The following NAF1 variants were observed in gnomAD, a reference collection of about 807,000 sequenced individuals.
NAF1 encodes H/ACA ribonucleoprotein complex non-core subunit NAF1.
Under a neutral mutation model 40.6 loss-of-function variants are expected in NAF1, and 11 were observed. The ratio of observed to expected loss-of-function variants is 0.27; its 90% CI spans 0.17 to 0.45. NAF1 has a LOEUF of 0.45. NAF1 is among the 20% of genes least tolerant of loss of function. The probability of loss-of-function intolerance (pLI) is 1.00; values close to 1 mark genes in which losing one functional copy is unlikely to be tolerated. For synonymous variants in NAF1, 260 were observed against 228.5 expected, an observed-to-expected ratio of 1.14 and a Z score of -1.24; for missense variants, 607 against 611.1, an observed-to-expected ratio of 0.99 and a Z score of 0.07.
At chr4:163,150,185 A>G (rs1438315288) in intron 2 of NAF1, among the ~76,000 whole-genome samples, 1 of 152,174 alleles carries the variant, frequency 6.6e-6, no homozygotes, top group Non-Finnish European at 1.5e-5. Flanking sequence ...CCCATGTAAT[A>G]TAATAGTTAT....
chr4:163,166,873 G>C lies in NAF1; in HGVS notation c.-146C>G. ...CCGCGTTTCTCAGGTAACTACACGC[G>C]GAGGAGCCAAAAGACACGCCCCCGC... is the stretch of plus-strand genomic sequence containing the variant. On this transcript the variant is annotated 5_prime_UTR_variant, in exon 1 of 8. Coordinates refer to ENST00000274054, the MANE Select transcript of NAF1 (RefSeq NM_138386.3). 9.0e-7 allele frequency: 1 copy of C among 1,113,862 alleles called. No individual in the cohort carries two copies. The highest frequency in any genetic ancestry group is 2.7e-5 in the East Asian group (1 of 37,012). 69.0% of individuals were successfully genotyped at this position (1,113,862 alleles called of 1,614,324 possible).
At chr4:163,154,995 G>A (rs1334368525) in intron 2 of NAF1, among the ~76,000 whole-genome samples, 2 of 152,146 alleles carry the variant, frequency 1.3e-5, no homozygotes, top group East Asian at 3.8e-4. Context: ...ATTTTTGGCA[G>A]GTTCAGAGAG....
At chr4:163,126,912 T>G, downstream of NAF1, 1 of 1,487,096 alleles carries the variant, frequency 6.7e-7, no homozygotes, top group Non-Finnish European at 8.9e-7. Flanking sequence ...AAAGGGTCAT[T>G]ATTATTTTTT....
chr4:163,148,266 T>C (rs1731554671), intron 3 of NAF1, 75 bp downstream of exon 3: 2 of 836,122 alleles, frequency 2.4e-6, no homozygotes, highest in South Asian at 5.1e-5. Flanking sequence ...GAAAATTTAC[T>C]AGTCATAAAA....
At chr4:163,127,178 G>A, downstream of NAF1, 1 of 1,514,476 alleles carries the variant, frequency 6.6e-7, no homozygotes, top group South Asian at 1.3e-5. Context: ...CACCCAGGCT[G>A]GAGTGCAATG....
At chr4:163,120,885 T>C (rs1730499741) in intron 2 of NAF1, among the ~76,000 whole-genome samples, 1 of 152,100 alleles carries the variant, frequency 6.6e-6, no homozygotes, top group South Asian at 2.1e-4. Flanking sequence ...AACAAGTCCT[T>C]TGGTCTGATT....
downstream of NAF1, among the ~76,000 whole-genome samples, chr4:163,105,332 T>A (rs1730035758): frequency 6.6e-6 from 1 of 152,242 alleles, no homozygotes; most frequent in African/African-American, 2.4e-5. Flanking sequence ...TTAAGTAAGA[T>A]AACATCTATC....
chr4:163,159,480 T>C (rs1385893031), intron 2 of NAF1, among the ~76,000 whole-genome samples: 1 of 152,132 alleles, frequency 6.6e-6, no homozygotes, highest in Admixed American at 6.5e-5. Flanking sequence ...AACCAACTTA[T>C]GCCTAGAAAA....
chr4:163,113,517 T>G (rs900484117), intron 2 of NAF1, among the ~76,000 whole-genome samples: 1 of 152,140 alleles, frequency 6.6e-6, no homozygotes, highest in Admixed American at 6.5e-5. Context: ...GCATCCACAA[T>G]GCTGCATTTG....
chr4:163,128,467 A>C (rs72695099), downstream of NAF1, among the ~76,000 whole-genome samples: 497 of 152,238 alleles, frequency 3.3e-3, no homozygotes, highest in Non-Finnish European at 5.8e-3. Context: ...TTTATAATTA[A>C]AATTGATTTC....
chr4:163,166,237 G>T, intron 1 of NAF1, 126 bp downstream of exon 1: 2 of 1,213,568 alleles, frequency 1.6e-6, no homozygotes, highest in Non-Finnish European at 2.2e-6. Context: ...ACGTGAGCCC[G>T]GAGCACCAAC....
intron 2 of NAF1, chr4:163,157,554 A>G (rs866887791): frequency 9.2e-5 from 14 of 151,994 alleles, no homozygotes; most frequent in Middle Eastern, 3.2e-3. Flanking sequence ...AAGACAACAC[A>G]TTAATACAGA....
chr4:163,123,258 A>G (rs11736512), downstream of NAF1, among the ~76,000 whole-genome samples: 9,773 of 152,246 alleles, frequency 0.064, 421 homozygotes, highest in Non-Finnish European at 0.098. Context: ...GAACTCACAC[A>G]TTACCATGGG....
At chr4:163,128,610 A>G (rs1163727275), downstream of NAF1, 1 of 395,444 alleles carries the variant, frequency 2.5e-6, no homozygotes, top group Non-Finnish European at 3.5e-6. Flanking sequence ...CCATTACTAT[A>G]TATATATATA....
At chr4:163,156,759 T>C (rs954004179) in intron 2 of NAF1, among the ~76,000 whole-genome samples, 3 of 152,162 alleles carry the variant, frequency 2.0e-5, no homozygotes, top group African/African-American at 7.2e-5. Flanking sequence ...AATGAAGTCT[T>C]AATGCTAACC....
intron 7 of NAF1, among the ~76,000 whole-genome samples, chr4:163,129,751 A>G (rs1293030896): frequency 1.3e-5 from 2 of 152,188 alleles, no homozygotes; most frequent in Non-Finnish European, 2.9e-5. Flanking sequence ...CCTGCAAACA[A>G]TGAACATCAC....
rs200055496 is a variant in NAF1, at chr4:163,166,424, C to T, written c.304G>A (p.Ala102Thr). 13 of 1,607,332 alleles carry T rather than the reference C, an allele frequency of 8.1e-6. No homozygotes were observed. Among genetic ancestry groups the T allele is most frequent in the African/African-American group, 8.0e-5 (6 of 74,742 alleles). The change falls in exon 1 of 8, where the codon GCA (alanine) becomes ACA (threonine). Residue 102 changes from alanine (A) to threonine (T), a missense_variant. This residue lies in a region of NAF1 where 407 missense variants were observed against 365.5 expected (regional missense o/e 1.11). Coordinates refer to ENST00000274054, the MANE Select transcript of NAF1 (RefSeq NM_138386.3). Reference sequence around the variant, plus strand: ...GAGTCCGGCGCCCGCGCAGGCTCTGCGGCTCCTGGGGAGGTGACGCAGTCT... The same window carrying T: ...GAGTCCGGCGCCCGCGCAGGCTCTGTGGCTCCTGGGGAGGTGACGCAGTCT... The part of the protein sequence containing the change: ...CGDCVTSPGA[A>T]EPARAPDSLE...
At chr4:163,106,048 GT>G (rs1181820482), downstream of NAF1, among the ~76,000 whole-genome samples, 4 of 152,086 alleles carry the variant, frequency 2.6e-5, no homozygotes, top group Non-Finnish European at 5.9e-5. Context: ...AAGGATGTTA[GT>G]TTTTTTGTGT....
At chr4:163,139,736 C>T (rs142526330) in intron 5 of NAF1, among the ~76,000 whole-genome samples, 80 of 152,164 alleles carry the variant, frequency 5.3e-4, no homozygotes, top group African/African-American at 1.9e-3. Flanking sequence ...TTCAGGGACA[C>T]GTGTTAGTTG....
Sources: allele counts gnomAD v4.1 joint callset (sites outside exome capture counted in the v4.1 genomes callset), GRCh38; gene constraint gnomAD v4.1.1; regional missense constraint gnomAD v4.1.1; transcripts MANE v1.5; gene names NCBI Gene and HGNC (gene_info 2026-07-23, HGNC 2026-07-21).